PPP2R1B: variants seen among roughly 807,000 people sequenced by gnomAD.
PPP2R1B encodes the protein serine/threonine-protein phosphatase 2A 65 kDa regulatory subunit A beta isoform.
Under a neutral mutation model 72.7 loss-of-function variants are expected in PPP2R1B, and 58 were observed. The observed-to-expected ratio is 0.80, with a 90% CI of 0.65 to 0.99. PPP2R1B has a LOEUF of 0.99. Ranked by LOEUF, PPP2R1B falls within the 50% of genes least tolerant of loss-of-function variation. PPP2R1B has a pLI of 0.00. For missense variants in PPP2R1B, 695 were observed against 733.6 expected (o/e 0.95, Z 0.61); for synonymous variants, 256 against 264.6 (o/e 0.97, Z 0.32).
intron 10 of PPP2R1B, among the ~76,000 whole-genome samples, chr11:111,750,937 C>T (rs1944884055): frequency 6.6e-6 from 1 of 151,840 alleles, no homozygotes; most frequent in Admixed American, 6.6e-5. Flanking sequence ...CTCCTGGGTT[C>T]AAGCGATTCT....
chr11:111,690,349 A>G, the PPP2R1B span, among the ~76,000 whole-genome samples: 2 of 147,312 alleles, frequency 1.4e-5, no homozygotes, highest in African/African-American at 5.0e-5. Context: ...ACATTCCCTT[A>G]TTACCAAAAC....
At chr11:111,751,913 G>C (rs1944920412) in intron 10 of PPP2R1B, among the ~76,000 whole-genome samples, 1 of 152,212 alleles carries the variant, frequency 6.6e-6, no homozygotes, top group Non-Finnish European at 1.5e-5. Context: ...GGAGGTGGAG[G>C]TTGCAGTGAG....
intron 13 of PPP2R1B, 55 bp downstream of exon 13, chr11:111,742,468 A>G: frequency 3.8e-6 from 6 of 1,565,788 alleles, no homozygotes; most frequent in Non-Finnish European, 5.2e-6. Context: ...ACTCCCCACT[A>G]TAAGGTAAAA....
chr11:111,765,196 C>T, intron 2 of PPP2R1B, 98 bp downstream of exon 2: 1 of 1,249,128 alleles, frequency 8.0e-7, no homozygotes, highest in Admixed American at 2.1e-5. Flanking sequence ...AAACACCTGG[C>T]TCATTTTAAT....
chr11:111,717,202 G>A, the PPP2R1B span, among the ~76,000 whole-genome samples: 2 of 151,078 alleles, frequency 1.3e-5, no homozygotes, highest in African/African-American at 4.9e-5. Flanking sequence ...TGTAGTCCCA[G>A]CTACTCGGGA....
chr11:111,706,959 CAAAAAAAAAAA>C, the PPP2R1B span, among the ~76,000 whole-genome samples: 136 of 52,114 alleles, frequency 2.6e-3, 1 homozygote, highest in Middle Eastern at 8.8e-3. Flanking sequence ...GACTCCGTCT[CAAAAAAAAAAA>C]AAAAAAAAAA....
intron 5 of PPP2R1B, 97 bp downstream of exon 5, chr11:111,759,707 G>T: frequency 7.4e-7 from 1 of 1,343,248 alleles, no homozygotes; most frequent in Non-Finnish European, 1.0e-6. Context: ...TCTGTAAAAA[G>T]AATCCTAACA....
downstream of PPP2R1B, chr11:111,726,901 T>A (rs1032240755): frequency 6.5e-7 from 1 of 1,532,992 alleles, no homozygotes; most frequent in Non-Finnish European, 9.0e-7. Context: ...AAAAATTTCG[T>A]TCGGCAAAAA....
chr11:111,734,796 A>AG (rs1944292432), downstream of PPP2R1B, among the ~76,000 whole-genome samples: 1 of 152,222 alleles, frequency 6.6e-6, no homozygotes, highest in African/African-American at 2.4e-5. Context: ...CACTCCCAGC[A>AG]GAGCTCCTCA....
At chr11:111,704,998 C>G in the PPP2R1B span, 1 of 1,604,674 alleles carries the variant, frequency 6.2e-7, no homozygotes, top group Non-Finnish European at 8.5e-7. Context: ...CTTTGCAGAA[C>G]AAGAGCTATA....
the PPP2R1B span, among the ~76,000 whole-genome samples, chr11:111,706,458 CCTGT>C: frequency 5.9e-5 from 9 of 152,226 alleles, no homozygotes; most frequent in South Asian, 1.7e-3. Flanking sequence ...CATTGACTTT[CCTGT>C]CTACTTCTGT....
the PPP2R1B span, chr11:111,712,077 CT>C: frequency 1.1e-6 from 1 of 941,260 alleles, no homozygotes; most frequent in Non-Finnish European, 1.6e-6. Context: ...TTCACTAAAT[CT>C]TTCTGGAGTT....
intron 10 of PPP2R1B, among the ~76,000 whole-genome samples, chr11:111,750,729 T>G (rs1591691693): frequency 6.6e-6 from 1 of 152,200 alleles, no homozygotes; most frequent in East Asian, 1.9e-4. Context: ...TTAACTAACA[T>G]GGTATTAGTT....
At chr11:111,765,692 C>G in intron 1 of PPP2R1B, 5 of 503,010 alleles carry the variant, frequency 9.9e-6, no homozygotes, top group Non-Finnish European at 1.5e-5. Flanking sequence ...AGTGGTGAAG[C>G]AGGTGAAACG....
At chr11:111,743,943 G>C (rs1944613882) in intron 11 of PPP2R1B, among the ~76,000 whole-genome samples, 1 of 152,218 alleles carries the variant, frequency 6.6e-6, no homozygotes, top group Non-Finnish European at 1.5e-5. Flanking sequence ...TAGCAGTGCA[G>C]AGAAGAGTGA....
chr11:111,703,443 C>T, the PPP2R1B span: 71 of 1,607,904 alleles, frequency 4.4e-5, no homozygotes, highest in Middle Eastern at 1.9e-4. Context: ...TCAGAGATTT[C>T]GGGGTTCTAC....
chr11:111,765,506 T>C, intron 1 of PPP2R1B, 122 bp from the exon 2 acceptor site: 2 of 811,116 alleles, frequency 2.5e-6, no homozygotes, highest in Non-Finnish European at 3.9e-6. Flanking sequence ...AACCTTTCAT[T>C]TAGATTTTAC....
At chr11:111,721,781 T>C in the PPP2R1B span, 1 of 1,473,072 alleles carries the variant, frequency 6.8e-7, no homozygotes, top group Non-Finnish European at 9.3e-7. Flanking sequence ...AACTGAGACG[T>C]TTTTCCCCAT....
At chr11:111,694,288 GAA>G in the PPP2R1B span, among the ~76,000 whole-genome samples, 52 of 152,206 alleles carry the variant, frequency 3.4e-4, no homozygotes, top group African/African-American at 1.1e-3. Context: ...TAGGACCAAG[GAA>G]AGTTTTTCAC....
Sources: gnomAD v4.1 joint callset for allele counts (sites outside exome capture counted in the v4.1 genomes callset) on GRCh38, gnomAD v4.1.1 for gene constraint, MANE v1.5 for transcripts, NCBI Gene and HGNC (gene_info 2026-07-23, HGNC 2026-07-21) for gene names.